Variants in SLC44A1 observed in about 807,000 individuals in gnomAD.
SLC44A1 encodes the protein choline transporter-like protein 1.
In SLC44A1, 26 loss-of-function variants were observed where a neutral mutation model predicts 79.3. The ratio of observed to expected loss-of-function variants is 0.33; its 90% CI spans 0.24 to 0.46. The LOEUF is 0.46. Ranked by LOEUF, SLC44A1 falls within the 20% of genes least tolerant of loss-of-function variation. SLC44A1 has a pLI of 1.00. For synonymous variants in SLC44A1, 263 were observed against 286.2 expected (o/e 0.92, Z 0.82); for missense variants, 688 against 798.1 (o/e 0.86, Z 1.66).
At chr9:105,399,376 G>C (rs1828926974), downstream of SLC44A1, among the ~76,000 whole-genome samples, 1 of 152,202 alleles carries the variant, frequency 6.6e-6, no homozygotes, top group South Asian at 2.1e-4. Context: ...ATCTCAGGTT[G>C]CATCCTGTAA....
intron 15 of SLC44A1, among the ~76,000 whole-genome samples, chr9:105,419,943 CA>C (rs1479642422): frequency 1.4e-5 from 2 of 147,456 alleles, no homozygotes; most frequent in Non-Finnish European, 1.5e-5. Context: ...AAAAAGAAGG[CA>C]ATATGTTTCC....
intron 12 of SLC44A1, among the ~76,000 whole-genome samples, chr9:105,368,165 A>G (rs1223410158): frequency 6.6e-6 from 1 of 152,122 alleles, no homozygotes; most frequent in African/African-American, 2.4e-5. Context: ...AACATTAGTC[A>G]GTGATTTAGT....
chr9:105,290,270 G>C (rs988558845), intron 1 of SLC44A1, among the ~76,000 whole-genome samples: 1 of 152,200 alleles, frequency 6.6e-6, no homozygotes, highest in Non-Finnish European at 1.5e-5. Context: ...CTATACTGTA[G>C]CAGATGGGAG....
chr9:105,257,292 C>T (rs1021856128), intron 1 of SLC44A1, among the ~76,000 whole-genome samples: 3 of 151,968 alleles, frequency 2.0e-5, no homozygotes, highest in Admixed American at 6.5e-5. Context: ...GATGGGGTTT[C>T]ACCATGTTGA....
chr9:105,391,775 A>G lies in SLC44A1; in HGVS notation c.*2719A>G. The G allele has an allele frequency of 1.0e-6, 1 of 985,290 alleles. No individual in the cohort carries two copies. Among genetic ancestry groups the G allele is most frequent in the Non-Finnish European group, 1.2e-6 (1 of 829,898 alleles). The allele number at this position is 985,290 out of a possible 1,614,324, so 61.0% of individuals were successfully genotyped here. A position where few individuals can be genotyped will look rare whatever the true frequency, so the allele number is the denominator to read the frequency against. On this transcript the variant is annotated 3_prime_UTR_variant, in exon 16 of 16. Transcript: ENST00000374720. ...TGAGAAGAATAGATGAAGAACAGAA[A>G]TTTCTCTGTGAAATGTGGATACCCG...
At position 105,383,419 on chromosome 9, in the gene SLC44A1, G is replaced by C. The variant is rs1828537973; in HGVS notation, c.1869+60G>C. The C allele has an allele frequency of 2.0e-5, 19 of 957,562 alleles. 1 individual carries two copies. The South Asian group carries it at 2.7e-4, about 13-fold the overall frequency. The allele number at this position is 957,562 out of a possible 1,614,324, so 59.3% of individuals were successfully genotyped here. ...ATAAAAATACCAATAAAAATATTTT[G>C]TAAAACATTCTCTATATTTAATTCA... On this transcript the variant is annotated intron_variant, in intron 14 of 15. Transcript: ENST00000374720.
Position 105,389,222 on chromosome 9 carries a change from C to G in SLC44A1, c.*166C>G. ...ATCAGCCAAAATCAGAGAAAAGGAA[C>G]AGGGATTTAATACCTTTTTTATGCT... On this transcript the variant is annotated 3_prime_UTR_variant, in exon 16 of 16. Coordinates refer to ENST00000374720, the MANE Select transcript of SLC44A1 (RefSeq NM_080546.5). 1 of 1,314,518 alleles carries G rather than the reference C, an allele frequency of 7.6e-7. No individual in the cohort carries two copies. The highest frequency in any genetic ancestry group is 9.7e-7 in the Non-Finnish European group (1 of 1,026,084). The allele number at this position is 1,314,518 out of a possible 1,614,324, so 81.4% of individuals were successfully genotyped here.
intron 2 of SLC44A1, among the ~76,000 whole-genome samples, chr9:105,302,594 T>C (rs1056159657): frequency 6.6e-6 from 1 of 151,682 alleles, no homozygotes; most frequent in African/African-American, 2.4e-5. Flanking sequence ...TCAAGTGATC[T>C]GCATGCCTCG....
intron 3 of SLC44A1, among the ~76,000 whole-genome samples, chr9:105,315,321 T>C (rs1274370728): frequency 1.3e-5 from 2 of 151,186 alleles, no homozygotes; most frequent in Non-Finnish European, 2.9e-5. Context: ...TACTGAAAAA[T>C]ACTTAGCTTC....
At chr9:105,413,415 A>G (rs905370441) in intron 15 of SLC44A1, among the ~76,000 whole-genome samples, 1 of 152,214 alleles carries the variant, frequency 6.6e-6, no homozygotes, top group Non-Finnish European at 1.5e-5. Context: ...GGTGCCGCCC[A>G]TCTTCCTGGT....
rs1554790127 is a variant in SLC44A1, at chr9:105,304,944, G to GTTTTTTTTTGTTTTTTTTTTTT, written c.127-4771_127-4770insGTTTTTTTTTTTTTTTTTTTTT. On this transcript the variant is annotated intron_variant, in intron 2 of 15. Transcript: ENST00000374720. Reference sequence around the variant, plus strand: ...GTAGTTATTCCCTAGACTTTCTATCGTTTTTTTTTTTTTTTTTTTTTTTTT... The same window carrying GTTTTTTTTTGTTTTTTTTTTTT: ...GTAGTTATTCCCTAGACTTTCTATCGTTTTTTTTTGTTTTTTTTTTTTTTTTTTTTTTTTTTTTTTTTTTTTT... Among the ~76,000 whole-genome samples, 2 of 20,078 alleles carry GTTTTTTTTTGTTTTTTTTTTTT rather than the reference G, an allele frequency of 1.0e-4. 1 individual carries two copies. The highest frequency in any genetic ancestry group is 2.7e-4 in the African/African-American group (2 of 7,274). 13.2% of individuals were successfully genotyped at this position (20,078 alleles called of 152,430 possible). A position where few individuals can be genotyped will look rare whatever the true frequency, so the allele number is the denominator to read the frequency against.
intron 3 of SLC44A1, 93 bp from the exon 4 acceptor site, chr9:105,335,470 A>C: frequency 2.3e-6 from 2 of 860,986 alleles, no homozygotes; most frequent in Non-Finnish European, 1.8e-6. Flanking sequence ...GGAATGTGGA[A>C]TAGATGTTCT....
In SLC44A1 at chr9:105,415,963, G is replaced by A. The variant is rs186825333; in HGVS notation, c.1951-22318G>A. On this transcript the variant is annotated intron_variant, in intron 15 of 15. Transcript: ENST00000374724. ...GTCGCCCAGGTTGAAGTGCAGTGGC[G>A]TGATGTCGGCTCGCTGCAACCTCCA... Among the ~76,000 whole-genome samples the A allele has an allele frequency of 4.4e-3, 643 of 146,226 alleles. 3 individuals carry two copies. The highest frequency in any genetic ancestry group is 7.4e-3 in the Non-Finnish European group (496 of 67,312).
chr9:105,250,769 A>C lies in SLC44A1; in HGVS notation c.36+5865A>C, dbSNP rs1383915922. Among the ~76,000 whole-genome samples, 3 of 152,326 alleles carry C rather than the reference A, an allele frequency of 2.0e-5. No individual in the cohort carries two copies. In the East Asian group the frequency reaches 5.8e-4, roughly 29 times the overall value. Reference sequence around the variant, plus strand: ...CTTTCATCCTTGGCTGCACATTGGAATCACTTGGAGAAGTTTACAAATGTT... The same window carrying C: ...CTTTCATCCTTGGCTGCACATTGGACTCACTTGGAGAAGTTTACAAATGTT... On this transcript the variant is annotated intron_variant, in intron 1 of 15. Transcript: ENST00000374720.
At chr9:105,326,437 C>T (rs1826578733) in intron 3 of SLC44A1, among the ~76,000 whole-genome samples, 1 of 152,176 alleles carries the variant, frequency 6.6e-6, no homozygotes, top group Admixed American at 6.5e-5. Flanking sequence ...ATAAGTGACT[C>T]TTGGTTGCCA....
chr9:105,296,803 A>T (rs959638486), intron 1 of SLC44A1, among the ~76,000 whole-genome samples: 1 of 152,236 alleles, frequency 6.6e-6, no homozygotes, highest in Non-Finnish European at 1.5e-5. Flanking sequence ...TCTTATATGA[A>T]TAATACAGAG....
chr9:105,253,821 T>C (rs1829642297), intron 1 of SLC44A1, among the ~76,000 whole-genome samples: 1 of 151,858 alleles, frequency 6.6e-6, no homozygotes, highest in Non-Finnish European at 1.5e-5. Flanking sequence ...GCCTCCCGGG[T>C]TTAAGCGATT....
chr9:105,400,487 C>CAAAAAAA (rs67752609), downstream of SLC44A1, among the ~76,000 whole-genome samples: 58 of 148,790 alleles, frequency 3.9e-4, 2 homozygotes, highest in South Asian at 8.5e-4. Flanking sequence ...GACGCCATCT[C>CAAAAAAA]AAAAAAAGAA....
intron 1 of SLC44A1, among the ~76,000 whole-genome samples, chr9:105,245,203 C>G (rs1158217767): frequency 1.3e-5 from 2 of 152,110 alleles, no homozygotes; most frequent in Admixed American, 1.3e-4. Context: ...CCCGTCCCGC[C>G]CGCCTGCAGG....
Sources: allele counts gnomAD v4.1 joint callset (sites outside exome capture counted in the v4.1 genomes callset), GRCh38; gene constraint gnomAD v4.1.1; transcripts MANE v1.5; gene names NCBI Gene and HGNC (gene_info 2026-07-23, HGNC 2026-07-21).